Variants in KCNAB1 observed in about 807,000 individuals in gnomAD.
KCNAB1 encodes voltage-gated potassium channel subunit beta-1.
In KCNAB1, 35 loss-of-function variants were observed where a neutral mutation model predicts 64.6. The observed-to-expected ratio is 0.54, with a 90% CI of 0.41 to 0.72. KCNAB1 has a LOEUF of 0.72. KCNAB1 is among the 30% of genes least tolerant of loss of function. The pLI, the probability that KCNAB1 is intolerant of heterozygous loss-of-function variation, is 0.00. For missense variants in KCNAB1, 401 were observed against 512.9 expected (o/e 0.78, Z 2.11); for synonymous variants, 177 against 183.8 (o/e 0.96, Z 0.30).
chr3:156,470,215 G>A (rs938007873), intron 7 of KCNAB1, among the ~76,000 whole-genome samples: 4 of 152,234 alleles, frequency 2.6e-5, no homozygotes, highest in Non-Finnish European at 4.4e-5. Context: ...ACAAGGAAGA[G>A]GAAGAAATTT....
intron 1 of KCNAB1, among the ~76,000 whole-genome samples, chr3:156,346,225 T>G (rs192113780): frequency 6.6e-6 from 1 of 151,940 alleles, no homozygotes; most frequent in East Asian, 1.9e-4. Context: ...TAAAGGGAAA[T>G]AAAGCAAATT....
At chr3:156,292,146 C>T (rs1448782072) in intron 1 of KCNAB1, 4 of 1,612,974 alleles carry the variant, frequency 2.5e-6, no homozygotes, top group Non-Finnish European at 2.5e-6. Context: ...CGTAAGATTC[C>T]CTCTGTGCGG....
At chr3:156,213,474 A>G (rs1183246668) in intron 1 of KCNAB1, among the ~76,000 whole-genome samples, 1 of 152,156 alleles carries the variant, frequency 6.6e-6, no homozygotes, top group Non-Finnish European at 1.5e-5. Flanking sequence ...TTAGCCTGCC[A>G]AAGTGCTCAG....
chr3:156,422,028 T>C (rs911660129), intron 2 of KCNAB1, among the ~76,000 whole-genome samples: 1 of 152,214 alleles, frequency 6.6e-6, no homozygotes, highest in African/African-American at 2.4e-5. Flanking sequence ...CTATCCTTGT[T>C]TTCCCTTTGC....
intron 1 of KCNAB1, among the ~76,000 whole-genome samples, chr3:156,145,614 AC>A (rs1399165058): frequency 6.6e-6 from 1 of 152,208 alleles, no homozygotes; most frequent in African/African-American, 2.4e-5. Context: ...TGTTAAAAAA[AC>A]AACCTCTGTT....
intron 1 of KCNAB1, among the ~76,000 whole-genome samples, chr3:156,303,280 C>T (rs1472060150): frequency 2.0e-5 from 3 of 152,124 alleles, no homozygotes; most frequent in African/African-American, 7.2e-5. Context: ...TCTCTCTTGG[C>T]ATGCAAGCAA....
chr3:156,278,378 T>C (rs1351656628), intron 1 of KCNAB1, among the ~76,000 whole-genome samples: 1 of 152,158 alleles, frequency 6.6e-6, no homozygotes, highest in Admixed American at 6.5e-5. Flanking sequence ...TGAAGATAAA[T>C]GTTTATGTAA....
At chr3:156,412,143 T>C (rs144305020) in intron 1 of KCNAB1, among the ~76,000 whole-genome samples, 54 of 152,322 alleles carry the variant, frequency 3.5e-4, no homozygotes, top group African/African-American at 1.1e-3. Context: ...GGTGCTATTA[T>C]AAATAGTATT....
chr3:156,524,077 C>A, intron 12 of KCNAB1, 130 bp downstream of exon 12: 1 of 901,586 alleles, frequency 1.1e-6, no homozygotes, highest in Non-Finnish European at 1.6e-6. Flanking sequence ...AGCATAAACT[C>A]CTGCTAAATA....
chr3:156,135,313 T>TC (rs780765475), intron 1 of KCNAB1, among the ~76,000 whole-genome samples: 1 of 151,996 alleles, frequency 6.6e-6, no homozygotes, highest in African/African-American at 2.4e-5. Flanking sequence ...AGCTTTTTTT[T>TC]CCCCCATTTT....
intron 6 of KCNAB1, 32 bp downstream of exon 6, chr3:156,463,778 A>C (rs368182473): frequency 1.2e-5 from 18 of 1,546,300 alleles, no homozygotes; most frequent in Non-Finnish European, 1.5e-5. Flanking sequence ...ACAGAAAACA[A>C]CTAGTAGTTC....
intron 1 of KCNAB1, among the ~76,000 whole-genome samples, chr3:156,368,714 G>T (rs1402541524): frequency 6.6e-6 from 1 of 152,158 alleles, no homozygotes; most frequent in Non-Finnish European, 1.5e-5. Context: ...TACCAGAGAT[G>T]ATATATACCT....
intron 8 of KCNAB1, among the ~76,000 whole-genome samples, chr3:156,483,531 G>A (rs1714984180): frequency 6.6e-6 from 1 of 152,044 alleles, no homozygotes; most frequent in African/African-American, 2.4e-5. Flanking sequence ...TGACTCAGGG[G>A]TTACTAATCC....
chr3:156,274,707 T>G (rs1469216841), intron 1 of KCNAB1, among the ~76,000 whole-genome samples: 1 of 152,196 alleles, frequency 6.6e-6, no homozygotes, highest in Non-Finnish European at 1.5e-5. Context: ...GGGTTTTTGT[T>G]TTACAGATTT....
At chr3:156,458,153 C>T (rs1712593869) in intron 4 of KCNAB1, among the ~76,000 whole-genome samples, 1 of 152,196 alleles carries the variant, frequency 6.6e-6, no homozygotes, top group Non-Finnish European at 1.5e-5. Context: ...AGAGTCCTCG[C>T]TTCTTTTGTG....
chr3:156,289,065 G>C (rs1464976042), intron 1 of KCNAB1, among the ~76,000 whole-genome samples: 1 of 152,196 alleles, frequency 6.6e-6, no homozygotes, highest in African/African-American at 2.4e-5. Context: ...GAGGCACTCT[G>C]CCTTGCATGT....
At chr3:156,291,529 G>A in intron 1 of KCNAB1, 3 of 1,095,276 alleles carry the variant, frequency 2.7e-6, no homozygotes, top group Non-Finnish European at 3.3e-6. Flanking sequence ...GCGAAGGGCT[G>A]CGTGCAGTCA....
intron 1 of KCNAB1, among the ~76,000 whole-genome samples, chr3:156,212,487 A>G (rs1268634331): frequency 6.6e-6 from 1 of 152,180 alleles, no homozygotes; most frequent in Non-Finnish European, 1.5e-5. Flanking sequence ...CTTTAGAGAT[A>G]GCTACAATGG....
intron 1 of KCNAB1, among the ~76,000 whole-genome samples, chr3:156,311,015 T>G (rs1300004167): frequency 6.6e-6 from 1 of 152,042 alleles, no homozygotes. Flanking sequence ...ATCAACACTA[T>G]AAGCAGGTGC....
Sources: gnomAD v4.1 joint callset for allele counts (sites outside exome capture counted in the v4.1 genomes callset) on GRCh38, gnomAD v4.1.1 for gene constraint, MANE v1.5 for transcripts, NCBI Gene and HGNC (gene_info 2026-07-23, HGNC 2026-07-21) for gene names.